NBEA: variants seen among roughly 807,000 people sequenced by gnomAD.
The protein encoded by NBEA is lysosomal-trafficking regulator 2.
A neutral mutation model predicts 343.4 loss-of-function variants in NBEA; 44 were observed. The ratio of observed to expected loss-of-function variants is 0.13; its 90% CI spans 0.10 to 0.16. NBEA has a LOEUF of 0.16. NBEA is among the 10% of genes least tolerant of loss of function. The pLI, the probability that NBEA is intolerant of heterozygous loss-of-function variation, is 1.00. For missense variants in NBEA, 2,555 were observed against 3,631.3 expected (o/e 0.70, Z 7.62); for synonymous variants, 1,175 against 1,238.7 (o/e 0.95, Z 1.08).
chr13:34,944,618 T>A (rs1485187939), intron 1 of NBEA, among the ~76,000 whole-genome samples: 1 of 152,202 alleles, frequency 6.6e-6, no homozygotes, highest in African/African-American at 2.4e-5. Context: ...ACAGTTTTCT[T>A]GAGTTTTAAT....
intron 38 of NBEA, among the ~76,000 whole-genome samples, chr13:35,359,590 T>A (rs749471543): frequency 2.0e-5 from 3 of 152,142 alleles, no homozygotes; most frequent in African/African-American, 4.8e-5. Context: ...CTAACATACT[T>A]TAGCATTTGA....
intron 44 of NBEA, among the ~76,000 whole-genome samples, chr13:35,564,455 G>A (rs1019496019): frequency 6.6e-6 from 1 of 151,930 alleles, no homozygotes; most frequent in Non-Finnish European, 1.5e-5. Context: ...AAATAGCTCT[G>A]TCTAGCCAAT....
intron 2 of NBEA, among the ~76,000 whole-genome samples, chr13:35,044,603 GGTGTGTGT>G (rs3045194): frequency 4.1e-4 from 58 of 142,596 alleles, no homozygotes; most frequent in East Asian, 1.0e-3. Flanking sequence ...GCTGTGTTGT[GGTGTGTGT>G]GTGTGTGTGT....
chr13:35,376,371 AGTTTAAGGGTCT>A (rs139703726), intron 38 of NBEA, among the ~76,000 whole-genome samples: 1,834 of 152,248 alleles, frequency 0.012, 46 homozygotes, highest in African/African-American at 0.042. Flanking sequence ...GCACTGCTAT[AGTTTAAGGGTCT>A]GTAAATGTTT....
At chr13:35,321,824 G>A (rs1201427209) in intron 36 of NBEA, among the ~76,000 whole-genome samples, 1 of 152,202 alleles carries the variant, frequency 6.6e-6, no homozygotes, top group Non-Finnish European at 1.5e-5. Context: ...GAGGCAGTCT[G>A]GCTACAGTGG....
chr13:35,200,543 A>T (rs2072949959), intron 31 of NBEA, among the ~76,000 whole-genome samples: 1 of 151,056 alleles, frequency 6.6e-6, no homozygotes, highest in Non-Finnish European at 1.5e-5. Context: ...TAAGTGTGTG[A>T]TATCACACAA....
intron 44 of NBEA, among the ~76,000 whole-genome samples, chr13:35,559,101 C>A (rs534512205): frequency 6.6e-6 from 1 of 152,230 alleles, no homozygotes; most frequent in South Asian, 2.1e-4. Flanking sequence ...AATAGGAGTG[C>A]CAGTTTAAAC....
At chr13:35,098,796 GGA>G (rs999681572) in intron 11 of NBEA, among the ~76,000 whole-genome samples, 14 of 152,118 alleles carry the variant, frequency 9.2e-5, no homozygotes, top group Admixed American at 2.6e-4. Context: ...GCTGTTCTGA[GGA>G]GAGTGATGAA....
intron 41 of NBEA, among the ~76,000 whole-genome samples, chr13:35,507,904 A>G (rs1447519184): frequency 6.6e-6 from 1 of 152,168 alleles, no homozygotes; most frequent in Non-Finnish European, 1.5e-5. Flanking sequence ...TAGTCATGTC[A>G]TGGTGTTGAC....
At chr13:34,949,028 C>T (rs1346111485) in intron 1 of NBEA, among the ~76,000 whole-genome samples, 1 of 152,086 alleles carries the variant, frequency 6.6e-6, no homozygotes, top group Non-Finnish European at 1.5e-5. Flanking sequence ...AAGAGGAAAG[C>T]CAAGAGTTTA....
chr13:35,092,614 C>G (rs1447935259), intron 10 of NBEA, among the ~76,000 whole-genome samples: 3 of 151,896 alleles, frequency 2.0e-5, no homozygotes, highest in Non-Finnish European at 4.4e-5. Flanking sequence ...AAAAGATACT[C>G]AACATTATTA....
At chr13:35,045,203 A>G in intron 3 of NBEA, 103 bp from the exon 4 acceptor site, 1 of 1,208,796 alleles carries the variant, frequency 8.3e-7, no homozygotes, top group Non-Finnish European at 1.1e-6. Context: ...TTTAAAATTA[A>G]TTTTTCTCTC....
intron 34 of NBEA, among the ~76,000 whole-genome samples, chr13:35,277,334 A>G (rs1273798631): frequency 2.6e-5 from 4 of 152,090 alleles, no homozygotes; most frequent in Non-Finnish European, 4.4e-5. Context: ...ATTAAAAATC[A>G]CATTAGGCCG....
chr13:35,626,875 T>G (rs2083253718), intron 48 of NBEA, among the ~76,000 whole-genome samples: 1 of 152,194 alleles, frequency 6.6e-6, no homozygotes, highest in Non-Finnish European at 1.5e-5. Context: ...AAACTGTTCT[T>G]TCATAAAATG....
chr13:35,562,681 A>C (rs1271116314), intron 44 of NBEA, among the ~76,000 whole-genome samples: 1 of 152,074 alleles, frequency 6.6e-6, no homozygotes, highest in South Asian at 2.1e-4. Flanking sequence ...ATGTAACTTG[A>C]ACTGCTTGCT....
intron 36 of NBEA, among the ~76,000 whole-genome samples, chr13:35,309,871 A>G (rs2037237783): frequency 6.6e-6 from 1 of 152,170 alleles, no homozygotes; most frequent in South Asian, 2.1e-4. Flanking sequence ...ACACAGATCA[A>G]GTGAACCCAA....
At position 35,605,822 on chromosome 13, in the gene NBEA, T is replaced by G. The variant is rs1045447886; in HGVS notation, c.7297-604T>G. Among the ~76,000 whole-genome samples the G allele has an allele frequency of 6.6e-5, 10 of 152,194 alleles. No individual in the cohort carries two copies. The South Asian group carries it at 8.3e-4, about 13-fold the overall frequency. On this transcript the variant is annotated intron_variant, in intron 47 of 58. Transcript: ENST00000379939. ...CAATTTATTGAGAACCTGTCATTTC[T>G]ATGGCATGCATTAAATATTTAAAAC...
intron 18 of NBEA, among the ~76,000 whole-genome samples, chr13:35,151,782 AC>A (rs1395588350): frequency 6.6e-6 from 1 of 152,128 alleles, no homozygotes; most frequent in Admixed American, 6.5e-5. Flanking sequence ...TATTTTATAT[AC>A]ATATTATTTA....
chr13:35,634,146 T>C (rs143268318), intron 49 of NBEA, among the ~76,000 whole-genome samples: 3,142 of 152,180 alleles, frequency 0.021, 116 homozygotes, highest in African/African-American at 0.07. Flanking sequence ...AGATTGAGAC[T>C]ATCCTGGCTA....
Sources: gnomAD v4.1 joint callset for allele counts (sites outside exome capture counted in the v4.1 genomes callset) on GRCh38, gnomAD v4.1.1 for gene constraint, MANE v1.5 for transcripts, NCBI Gene and HGNC (gene_info 2026-07-23, HGNC 2026-07-21) for gene names.